NBEA: variants seen among roughly 807,000 people sequenced by gnomAD.
NBEA encodes lysosomal-trafficking regulator 2.
A neutral mutation model predicts 343.4 loss-of-function variants in NBEA; 44 were observed. That is an observed-to-expected ratio of 0.13 (90% CI 0.10 to 0.16). The LOEUF (loss-of-function observed/expected upper bound fraction) is 0.16. Ranked by LOEUF, NBEA falls within the 10% of genes least tolerant of loss-of-function variation. The pLI is 1.00. For synonymous variants in NBEA, 1,175 were observed against 1,238.7 expected, an observed-to-expected ratio of 0.95 and a Z score of 1.08; for missense variants, 2,555 against 3,631.3, an observed-to-expected ratio of 0.70 and a Z score of 7.62.
intron 49 of NBEA, among the ~76,000 whole-genome samples, chr13:35,635,424 G>T (rs1217977267): frequency 6.6e-6 from 1 of 152,130 alleles, no homozygotes; most frequent in East Asian, 1.9e-4. Flanking sequence ...CAAAGTGGGT[G>T]ATTAAGATTT....
intron 41 of NBEA, among the ~76,000 whole-genome samples, chr13:35,482,792 G>T (rs1014682389): frequency 2.6e-5 from 4 of 151,600 alleles, no homozygotes; most frequent in African/African-American, 7.3e-5. Context: ...ATATGATTGT[G>T]CCATTCTATG....
At chr13:35,627,450 T>C (rs1200649150) in intron 48 of NBEA, among the ~76,000 whole-genome samples, 2 of 152,144 alleles carry the variant, frequency 1.3e-5, no homozygotes, top group Non-Finnish European at 2.9e-5. Flanking sequence ...CTTTTTTTTT[T>C]CTTTTTTCTG....
At chr13:35,057,120 T>C (rs1290794216) in intron 7 of NBEA, among the ~76,000 whole-genome samples, 1 of 152,180 alleles carries the variant, frequency 6.6e-6, no homozygotes, top group Non-Finnish European at 1.5e-5. Context: ...TTTGTTTTAA[T>C]GCTGAAAGTA....
At position 35,040,919 on chromosome 13, in the gene NBEA, C is replaced by G. The variant is rs769742298; in HGVS notation, c.295-14C>G. 2 of 1,601,732 alleles carry G rather than the reference C, an allele frequency of 1.2e-6. No individual in the cohort carries two copies. The highest frequency in any genetic ancestry group is 1.1e-5 in the South Asian group (1 of 90,794). ...CCCATGTTAACACTATTGTTTCTTT[C>G]TGTTTACTTTCAGCTGGTTGGTGGA... On this transcript the variant is annotated splice_polypyrimidine_tract_variant and intron_variant, in intron 1 of 58. Transcript: ENST00000379939.
chr13:35,532,495 A>T (rs1210010262), intron 41 of NBEA, among the ~76,000 whole-genome samples: 1 of 152,192 alleles, frequency 6.6e-6, no homozygotes, highest in African/African-American at 2.4e-5. Context: ...TCAAATCACA[A>T]TGTTAATTAT....
intron 35 of NBEA, among the ~76,000 whole-genome samples, chr13:35,302,280 T>G (rs2036606173): frequency 6.6e-6 from 1 of 152,224 alleles, no homozygotes; most frequent in Non-Finnish European, 1.5e-5. Context: ...TGCCTGTGTC[T>G]TATGTATCTC....
intron 38 of NBEA, among the ~76,000 whole-genome samples, chr13:35,412,107 A>G (rs1490761844): frequency 6.6e-6 from 1 of 152,150 alleles, no homozygotes; most frequent in Non-Finnish European, 1.5e-5. Context: ...AAAATTTGAA[A>G]TCCATGCATA....
Position 35,070,734 on chromosome 13 carries a change from G to A in NBEA, c.1453G>A (p.Val485Ile), listed in dbSNP as rs1256517644. ...TTGGACATAGGATGTGAAAGCGATA[G>A]TAACACATTCAATTCATAGTGCAAT... ...ALMLQDVKAI[V>I]THSIHSAIHS... Residue 485 changes from valine (V) to isoleucine (I), a missense_variant, in exon 10 of 59, where the codon GTA (valine) becomes ATA (isoleucine). Physicochemically the swap from Val to Ile is conservative, Grantham distance 29 (BLOSUM62 3). Around this residue, in one of 21 missense-constraint regions of NBEA, gnomAD observed 360 missense variants for 519.1 expected, o/e 0.69. Coordinates refer to ENST00000379939, the MANE Select transcript of NBEA (RefSeq NM_001385012.1). 6 of 1,590,206 alleles carry A rather than the reference G, an allele frequency of 3.8e-6. No individual in the cohort carries two copies. In the African/African-American group the frequency reaches 4.0e-5, roughly 11 times the overall value.
At chr13:35,192,372 GT>G in intron 30 of NBEA, among the ~76,000 whole-genome samples, 1 of 151,746 alleles carries the variant, frequency 6.6e-6, no homozygotes, top group Admixed American at 6.6e-5. Flanking sequence ...CTACTGATCT[GT>G]TTTTTTATTG....
intron 16 of NBEA, among the ~76,000 whole-genome samples, chr13:35,119,287 G>A (rs1385428036): frequency 6.6e-6 from 1 of 152,102 alleles, no homozygotes; most frequent in African/African-American, 2.4e-5. Context: ...GGATATCGAG[G>A]TTATGCCATG....
intron 18 of NBEA, among the ~76,000 whole-genome samples, chr13:35,145,990 G>A (rs1364423311): frequency 6.6e-6 from 1 of 152,104 alleles, no homozygotes; most frequent in Non-Finnish European, 1.5e-5. Context: ...ATGCTTATGT[G>A]GGAAATTATT....
chr13:35,655,840 G>A (rs1327210823), intron 55 of NBEA, 91 bp downstream of exon 55: 2 of 1,246,022 alleles, frequency 1.6e-6, no homozygotes, highest in South Asian at 1.6e-5. Context: ...TTTTCCTGAG[G>A]TGTAAGGATT....
intron 34 of NBEA, among the ~76,000 whole-genome samples, chr13:35,288,807 C>T (rs1336156263): frequency 1.3e-5 from 2 of 151,808 alleles, no homozygotes; most frequent in Non-Finnish European, 2.9e-5. Flanking sequence ...ATCCTTTGGC[C>T]TTTTACTTGT....
At chr13:35,308,454 A>ATATATATATATATATATATATATATATG (rs1566596883) in intron 35 of NBEA, among the ~76,000 whole-genome samples, 24 of 117,082 alleles carry the variant, frequency 2.0e-4, no homozygotes, top group African/African-American at 9.9e-4. Flanking sequence ...ATATATATAT[A>ATATATATATATATATATATATATATATG]TATATATATA....
intron 41 of NBEA, among the ~76,000 whole-genome samples, chr13:35,519,749 C>A (rs2077625694): frequency 6.6e-6 from 1 of 151,980 alleles, no homozygotes. Flanking sequence ...GGGATATTAC[C>A]TGAAGCATTT....
At chr13:35,601,564 C>T (rs1008776541) in intron 47 of NBEA, among the ~76,000 whole-genome samples, 2 of 151,848 alleles carry the variant, frequency 1.3e-5, no homozygotes, top group Non-Finnish European at 2.9e-5. Flanking sequence ...GAGTTCAAGA[C>T]CAGCCTGGCC....
intron 51 of NBEA, among the ~76,000 whole-genome samples, chr13:35,649,065 A>G (rs1368659367): frequency 6.6e-6 from 1 of 152,192 alleles, no homozygotes; most frequent in Non-Finnish European, 1.5e-5. Context: ...TTGGCCCTCC[A>G]TAAGCTCCCA....
intron 17 of NBEA, among the ~76,000 whole-genome samples, chr13:35,125,824 G>GCATACATACATA (rs148274320): frequency 4.0e-5 from 6 of 151,272 alleles, no homozygotes; most frequent in African/African-American, 1.5e-4. Flanking sequence ...ATAAACAAAT[G>GCATACATACATA]CATACATACA....
intron 38 of NBEA, among the ~76,000 whole-genome samples, chr13:35,412,517 A>G (rs1317051670): frequency 1.3e-5 from 2 of 152,136 alleles, no homozygotes; most frequent in East Asian, 3.9e-4. Context: ...TATGAAATAG[A>G]CTGAAAGCTG....
Sources: gnomAD v4.1 joint callset for allele counts (sites outside exome capture counted in the v4.1 genomes callset) on GRCh38, gnomAD v4.1.1 for gene constraint, gnomAD v4.1.1 regional missense constraint, MANE v1.5 for transcripts, NCBI Gene and HGNC (gene_info 2026-07-23, HGNC 2026-07-21) for gene names.